The following MME variants were observed in gnomAD, a reference collection of about 807,000 sequenced individuals.
The protein encoded by MME is membrane metalloendopeptidase.
In MME, 98 loss-of-function variants were observed where a neutral mutation model predicts 113.2. The observed-to-expected ratio is 0.87, with a 90% CI of 0.74 to 1.02. MME has a LOEUF of 1.02. Ranked by LOEUF, MME falls within the 50% of genes least tolerant of loss-of-function variation. MME has a pLI of 0.00. For synonymous variants in MME, 292 were observed against 300.6 expected (o/e 0.97, Z 0.30); for missense variants, 836 against 896.0 (o/e 0.93, Z 0.86).
At chr3:155,142,424 CT>C (rs1410671591) in intron 12 of MME, 94 bp downstream of exon 12, 15 of 1,061,020 alleles carry the variant, frequency 1.4e-5, no homozygotes, top group Non-Finnish European at 2.1e-5. Flanking sequence ...ACATGGTGAA[CT>C]TTGCAAAGGG....
chr3:155,174,179 G>C (rs577775349), intron 22 of MME, among the ~76,000 whole-genome samples: 7 of 152,026 alleles, frequency 4.6e-5, no homozygotes, highest in Non-Finnish European at 1.0e-4. Context: ...ACGTACATAA[G>C]TATATAACTG....
At position 155,181,763 on chromosome 3, in the gene MME, G is replaced by T. The variant is rs1286465491; in HGVS notation, c.*1304G>T. On this transcript the variant is annotated 3_prime_UTR_variant, in exon 23 of 23. Coordinates refer to ENST00000360490, the MANE Select transcript of MME (RefSeq NM_007289.4). ...GCTTCTGTTCCTCTCTTTTCCTGTT[G>T]TATTGACTATTTTCGTTCATTACTT... 6.6e-6 allele frequency: 1 copy of T among 151,988 alleles called. No individual in the cohort carries two copies. Among genetic ancestry groups the T allele is most frequent in the African/African-American group, 2.4e-5 (1 of 41,376 alleles). 9.4% of individuals were successfully genotyped at this position (151,988 alleles called of 1,614,324 possible).
At chr3:155,081,702 T>C (rs1715166409) in intron 1 of MME, 1 of 151,748 alleles carries the variant, frequency 6.6e-6, no homozygotes, top group African/African-American at 2.4e-5. Context: ...GATATTCAGG[T>C]ATTTGGGGTT....
At position 155,181,818 on chromosome 3, in the gene MME, C is replaced by A. The variant is rs560220476; in HGVS notation, c.*1359C>A. The A allele has an allele frequency of 3.3e-5, 5 of 152,076 alleles. No homozygotes were observed. The East Asian group carries it at 7.7e-4, about 24-fold the overall frequency. The allele number at this position is 152,076 out of a possible 1,614,324, so 9.4% of individuals were successfully genotyped here. The stretch of plus-strand genomic sequence containing the variant: ...AAGATTTTACAAAAGAGGAGCACTT[C>A]CAAAATTCTTATTTTTCCTAACAAA... On this transcript the variant is annotated 3_prime_UTR_variant, in exon 23 of 23. Transcript: ENST00000360490.
chr3:155,096,077 G>T (rs1716712753), intron 3 of MME, among the ~76,000 whole-genome samples: 1 of 152,160 alleles, frequency 6.6e-6, no homozygotes, highest in South Asian at 2.1e-4. Flanking sequence ...CCTACTAGTG[G>T]TTCATGATGG....
At chr3:155,144,615 GA>G (rs1227092404) in intron 14 of MME, among the ~76,000 whole-genome samples, 158 bp downstream of exon 14, 2 of 152,112 alleles carry the variant, frequency 1.3e-5, no homozygotes, top group African/African-American at 4.8e-5. Flanking sequence ...TGTGGATAAA[GA>G]TATATTTCTA....
chr3:155,141,146 C>T (rs893397968), intron 10 of MME, among the ~76,000 whole-genome samples: 3 of 152,200 alleles, frequency 2.0e-5, no homozygotes, highest in Non-Finnish European at 4.4e-5. Context: ...CGATGACATT[C>T]TCTTTGGCAC....
intron 16 of MME, among the ~76,000 whole-genome samples, chr3:155,149,672 G>A (rs1441132487): frequency 6.6e-6 from 1 of 151,512 alleles, no homozygotes; most frequent in Non-Finnish European, 1.5e-5. Context: ...GTCGTGCCAA[G>A]CAAAGTACAA....
At chr3:155,176,153 G>A (rs1398120309) in intron 22 of MME, among the ~76,000 whole-genome samples, 1 of 152,144 alleles carries the variant, frequency 6.6e-6, no homozygotes, top group East Asian at 1.9e-4. Context: ...AAGGTTGTCT[G>A]AGGACCCATT....
At chr3:155,144,316 G>C in intron 13 of MME, 43 bp from the exon 14 acceptor site, 1 of 1,285,126 alleles carries the variant, frequency 7.8e-7, no homozygotes. Context: ...GTGTTACAAA[G>C]AATGAATTAA....
At chr3:155,140,633 C>T (rs548261396) in intron 10 of MME, among the ~76,000 whole-genome samples, 67 of 151,978 alleles carry the variant, frequency 4.4e-4, no homozygotes, top group Admixed American at 3.7e-3. Flanking sequence ...GTCTCGAACC[C>T]CTGAGCTCGA....
At chr3:155,076,366 T>C (rs1714750088), upstream of MME, among the ~76,000 whole-genome samples, 1 of 152,220 alleles carries the variant, frequency 6.6e-6, no homozygotes, top group Non-Finnish European at 1.5e-5. Flanking sequence ...TGGACTACAC[T>C]TTGTATGAAG....
intron 16 of MME, among the ~76,000 whole-genome samples, chr3:155,151,781 T>A (rs1240258997): frequency 1.3e-5 from 2 of 152,152 alleles, no homozygotes; most frequent in African/African-American, 4.8e-5. Context: ...AAAAAAAGTC[T>A]GCATCCACCA....
intron 1 of MME, among the ~76,000 whole-genome samples, chr3:155,080,727 C>G (rs1339133314): frequency 6.6e-6 from 1 of 152,134 alleles, no homozygotes; most frequent in African/African-American, 2.4e-5. Context: ...GTAATTGCAA[C>G]CAAATATCCC....
At chr3:155,025,257 A>G (rs921781701) in intron 1 of MME, among the ~76,000 whole-genome samples, 3 of 152,200 alleles carry the variant, frequency 2.0e-5, no homozygotes, top group Admixed American at 6.5e-5. Flanking sequence ...GCCAGTGACC[A>G]GAGATAAACT....
chr3:155,140,122 C>T (rs1720945737), intron 9 of MME, 69 bp from the exon 10 acceptor site: 2 of 1,047,002 alleles, frequency 1.9e-6, no homozygotes, highest in East Asian at 2.7e-5. Context: ...TATTTTTACC[C>T]TCATATGTAG....
In MME at chr3:155,148,720, T is replaced by G. The variant is rs995390131; in HGVS notation, c.1601+67T>G. ...GTCTTTCCCTCCTTTCTTTGTTGGATTAAGTGAAAGAGCCTCAGTTAGAAA... is the reference window on the plus strand; with the variant it reads ...GTCTTTCCCTCCTTTCTTTGTTGGAGTAAGTGAAAGAGCCTCAGTTAGAAA... On this transcript the variant is annotated intron_variant, in intron 16 of 22. Coordinates refer to ENST00000360490, the MANE Select transcript of MME (RefSeq NM_007289.4). 6 of 1,211,338 alleles carry G rather than the reference T, an allele frequency of 5.0e-6. No individual in the cohort carries two copies. In the African/African-American group the frequency reaches 7.5e-5, roughly 15 times the overall value. 75.0% of individuals were successfully genotyped at this position (1,211,338 alleles called of 1,614,324 possible).
intron 18 of MME, among the ~76,000 whole-genome samples, chr3:155,167,852 A>T (rs1711514004): frequency 6.6e-6 from 1 of 152,220 alleles, no homozygotes; most frequent in Non-Finnish European, 1.5e-5. Flanking sequence ...CAAAGATAGG[A>T]ACTGGTAGAA....
chr3:155,138,457 A>C (rs1278447321), intron 9 of MME, among the ~76,000 whole-genome samples: 1 of 152,192 alleles, frequency 6.6e-6, no homozygotes, highest in African/African-American at 2.4e-5. Context: ...AATTGGACAA[A>C]TATTAAACTA....
Sources: allele counts gnomAD v4.1 joint callset (sites outside exome capture counted in the v4.1 genomes callset), GRCh38; gene constraint gnomAD v4.1.1; transcripts MANE v1.5; gene names NCBI Gene and HGNC (gene_info 2026-07-23, HGNC 2026-07-21).